ANK3: variants seen among roughly 807,000 people sequenced by gnomAD.
ANK3 encodes the protein ankyrin-3.
A neutral mutation model predicts 370.9 loss-of-function variants in ANK3; 57 were observed. The observed-to-expected ratio is 0.15, with a 90% CI of 0.12 to 0.19. The LOEUF (loss-of-function observed/expected upper bound fraction) is 0.19, where lower values mean the gene tolerates loss of function less well. Among genes scored for constraint, ANK3 ranks in the 10% least tolerant of loss-of-function variants. The pLI is 1.00. For missense variants in ANK3, 4,439 were observed against 5,302.1 expected, an observed-to-expected ratio of 0.84 and a Z score of 5.06; for synonymous variants, 1,929 against 1,946.3, an observed-to-expected ratio of 0.99 and a Z score of 0.23.
intron 5 of ANK3, 143 bp downstream of exon 5, chr10:60,269,988 T>C: frequency 2.2e-6 from 1 of 446,628 alleles, no homozygotes; most frequent in East Asian, 3.4e-5. Flanking sequence ...AGACTTATAG[T>C]AATGTATTTC....
At chr10:60,256,654 ATTG>A (rs2097741121) in intron 7 of ANK3, among the ~76,000 whole-genome samples, 1 of 152,132 alleles carries the variant, frequency 6.6e-6, no homozygotes, top group Admixed American at 6.5e-5. Context: ...CCCAGTGTCT[ATTG>A]TTGTCATCTT....
At chr10:60,689,397 T>A (rs2079317058) in intron 1 of ANK3, among the ~76,000 whole-genome samples, 1 of 152,058 alleles carries the variant, frequency 6.6e-6, no homozygotes, top group African/African-American at 2.4e-5. Flanking sequence ...AGACCCTGTC[T>A]CAAAAATAAA....
At chr10:60,352,862 T>C (rs1408794878) in intron 1 of ANK3, among the ~76,000 whole-genome samples, 1 of 152,146 alleles carries the variant, frequency 6.6e-6, no homozygotes, top group Non-Finnish European at 1.5e-5. Flanking sequence ...ATTATACTTG[T>C]ATTTAGCGTG....
At chr10:60,211,732 C>T (rs2096857295) in intron 9 of ANK3, among the ~76,000 whole-genome samples, 2 of 151,844 alleles carry the variant, frequency 1.3e-5, no homozygotes, top group African/African-American at 2.4e-5. Flanking sequence ...ACTATACCGC[C>T]TAAGGTAAAG....
intron 32 of ANK3, 36 bp from the exon 33 acceptor site, chr10:60,083,653 A>AATTAT (rs752383411): frequency 4.6e-6 from 7 of 1,511,382 alleles, no homozygotes; most frequent in Admixed American, 4.1e-5. Context: ...TTTAATGTTA[A>AATTAT]TCTGAGTTTA....
At chr10:60,055,630 A>G (rs1276501133) in intron 42 of ANK3, 28 bp downstream of exon 42, 2 of 1,556,940 alleles carry the variant, frequency 1.3e-6, no homozygotes, top group Non-Finnish European at 1.7e-6. Flanking sequence ...CATTTCAATG[A>G]CTGCTACCGG....
chr10:60,138,781 A>G, intron 24 of ANK3, 183 bp downstream of exon 24: 1 of 739,920 alleles, frequency 1.4e-6, no homozygotes, highest in South Asian at 2.0e-5. Context: ...CATGAAATTA[A>G]CAACCGCAAA....
In ANK3 at chr10:60,076,036, T is replaced by C; in HGVS notation, c.4845A>G (p.Ala1615=). 6.2e-7 allele frequency: 1 copy of C among 1,614,216 alleles called. No individual in the cohort carries two copies. Among genetic ancestry groups the C allele is most frequent in the Middle Eastern group, 1.6e-4 (1 of 6,062 alleles). The change falls in exon 37 of 44, where the codon GCA becomes GCG. Residue 1615 remains alanine (A), a synonymous_variant. Transcript: ENST00000280772. Reference sequence around the variant, plus strand: ...TTCGAGAGGAAAACGTAGAATTGGATGCCAGCCCTTTTAAGGGCGTAGCTT... The same window carrying C: ...TTCGAGAGGAAAACGTAGAATTGGACGCCAGCCCTTTTAAGGGCGTAGCTT... ...VTEATPLKGL[A]SNSTFSSRTS...
At chr10:60,364,856 C>CA (rs374195316) in intron 1 of ANK3, among the ~76,000 whole-genome samples, 3,133 of 139,478 alleles carry the variant, frequency 0.022, 77 homozygotes, top group African/African-American at 0.065. Flanking sequence ...AAACAAATAA[C>CA]AAAAAAAAAA....
intron 1 of ANK3, among the ~76,000 whole-genome samples, chr10:60,715,215 A>ATTGTG (rs145278199): frequency 6.8e-6 from 1 of 147,192 alleles, no homozygotes; most frequent in Non-Finnish European, 1.5e-5. Context: ...ACATATACAA[A>ATTGTG]TGTGTGTGTG....
chr10:60,520,793 A>G (rs2076329715), intron 2 of ANK3, among the ~76,000 whole-genome samples: 1 of 152,156 alleles, frequency 6.6e-6, no homozygotes, highest in Admixed American at 6.6e-5. Context: ...AAACTGTTTG[A>G]CATGATTCCT....
chr10:60,160,360 A>G (rs976428766), intron 23 of ANK3, among the ~76,000 whole-genome samples: 1 of 152,110 alleles, frequency 6.6e-6, no homozygotes, highest in Non-Finnish European at 1.5e-5. Context: ...ATCATGAAGA[A>G]ATAGAAAACT....
chr10:60,061,549 A>G (rs2080467322), intron 40 of ANK3, among the ~76,000 whole-genome samples: 1 of 152,152 alleles, frequency 6.6e-6, no homozygotes, highest in Non-Finnish European at 1.5e-5. Context: ...AAGATGATCT[A>G]TATTTATCTA....
rs761309113 is a variant in ANK3, at chr10:60,080,627, GA to G, written c.4351-10del. On this transcript the variant is annotated splice_polypyrimidine_tract_variant and intron_variant, in intron 35 of 43. Coordinates refer to ENST00000280772, the MANE Select transcript of ANK3 (RefSeq NM_020987.5). ...CTATCTGTTTTCTCAATCTGAAAAGGAAAAAAAAAAAGACAACTCTATTTCC... is the reference window on the plus strand; with the variant it reads ...CTATCTGTTTTCTCAATCTGAAAAGGAAAAAAAAAAGACAACTCTATTTCC... The G allele has an allele frequency of 0.027, 29,045 of 1,069,806 alleles. 1 individual carries two copies. The highest frequency in any genetic ancestry group is 0.037 in the East Asian group (1,035 of 27,688). 66.3% of individuals were successfully genotyped at this position (1,069,806 alleles called of 1,614,324 possible).
chr10:60,530,820 G>T (rs1246958954), intron 2 of ANK3, among the ~76,000 whole-genome samples: 5 of 152,072 alleles, frequency 3.3e-5, no homozygotes, highest in Admixed American at 3.3e-4. Flanking sequence ...GTGGATGTGG[G>T]GGTTGGGTGG....
chr10:60,697,643 A>T (rs1316179328), intron 1 of ANK3, among the ~76,000 whole-genome samples: 1 of 147,056 alleles, frequency 6.8e-6, no homozygotes, highest in African/African-American at 2.5e-5. Context: ...GAGAAAAACA[A>T]GCAATGGGGA....
chr10:60,197,774 C>CA lies in ANK3; in HGVS notation c.1689+565dup, dbSNP rs200968653. 6.5e-4 allele frequency among the ~76,000 whole-genome samples: 99 copies of CA among 151,910 alleles called. No homozygotes were observed. In the South Asian group the frequency reaches 1.0e-2, roughly 15 times the overall value. On this transcript the variant is annotated intron_variant, in intron 14 of 43. Coordinates refer to ENST00000280772, the MANE Select transcript of ANK3 (RefSeq NM_020987.5). ...CACTTGCAAGGCTTATGTAGTATCACAAAAAAAATGAGCTCCAAATTTTGC... is the reference window on the plus strand; with the variant it reads ...CACTTGCAAGGCTTATGTAGTATCACAAAAAAAAATGAGCTCCAAATTTTGC...
At chr10:60,361,339 T>G (rs1470340214) in intron 1 of ANK3, among the ~76,000 whole-genome samples, 1 of 152,238 alleles carries the variant, frequency 6.6e-6, no homozygotes, top group Non-Finnish European at 1.5e-5. Context: ...AGTTTTCACC[T>G]GTATTTGTGG....
At chr10:60,106,180 G>T (rs2092141279) in intron 27 of ANK3, 121 bp from the exon 28 acceptor site, 1 of 880,842 alleles carries the variant, frequency 1.1e-6, no homozygotes, top group Non-Finnish European at 1.7e-6. Context: ...GGTTGGGAAT[G>T]ATTTCAAAGC....
Sources: gnomAD v4.1 joint callset for allele counts (sites outside exome capture counted in the v4.1 genomes callset) on GRCh38, gnomAD v4.1.1 for gene constraint, MANE v1.5 for transcripts, NCBI Gene and HGNC (gene_info 2026-07-23, HGNC 2026-07-21) for gene names.